The following RGS7 variants were observed in gnomAD, a reference collection of about 807,000 sequenced individuals.
The protein encoded by RGS7 is regulator of G-protein signaling 7.
In RGS7, 27 loss-of-function variants were observed where a neutral mutation model predicts 81.1. That is an observed-to-expected ratio of 0.33 (90% CI 0.25 to 0.46). RGS7 has a LOEUF of 0.46. Ranked by LOEUF, RGS7 falls within the 20% of genes least tolerant of loss-of-function variation. The pLI is 1.00. For synonymous variants in RGS7, 208 were observed against 207.7 expected, an observed-to-expected ratio of 1.00 and a Z score of -0.01; for missense variants, 396 against 607.4, an observed-to-expected ratio of 0.65 and a Z score of 3.66.
Position 241,048,088 on chromosome 1 carries a change from T to C in RGS7, c.175+50578A>G, listed in dbSNP as rs558076874. Among the ~76,000 whole-genome samples the C allele has an allele frequency of 2.0e-5, 3 of 151,430 alleles. No individual in the cohort carries two copies. The East Asian group carries it at 5.9e-4, about 30-fold the overall frequency. ...TCAGTGGTGTAGATGTGTATGTATG[T>C]ATGGCGGGGTCACGGGCATTATTAC... On this transcript the variant is annotated intron_variant, in intron 3 of 18. Transcript: ENST00000440928.
chr1:241,287,264 A>C (rs965019659), intron 2 of RGS7, among the ~76,000 whole-genome samples: 1 of 152,130 alleles, frequency 6.6e-6, no homozygotes, highest in African/African-American at 2.4e-5. Context: ...TCCCCACCCA[A>C]ATCTCATCTT....
chr1:241,233,716 T>C (rs1476945054), intron 2 of RGS7, among the ~76,000 whole-genome samples: 1 of 152,202 alleles, frequency 6.6e-6, no homozygotes, highest in East Asian at 1.9e-4. Context: ...AGGATATCGC[T>C]TCAATATACT....
At chr1:241,113,680 A>C (rs10159247) in intron 2 of RGS7, among the ~76,000 whole-genome samples, 14 of 152,174 alleles carry the variant, frequency 9.2e-5, no homozygotes, top group African/African-American at 3.4e-4. Context: ...CCGTCATTTG[A>C]TGAATGATGT....
intron 3 of RGS7, among the ~76,000 whole-genome samples, chr1:241,088,909 G>A (rs1384114470): frequency 6.6e-6 from 1 of 150,804 alleles, no homozygotes; most frequent in Non-Finnish European, 1.5e-5. Context: ...TACTCGGGAG[G>A]CTGAGGCAGG....
intron 2 of RGS7, among the ~76,000 whole-genome samples, chr1:241,149,446 T>C (rs1474917352): frequency 1.3e-5 from 2 of 152,158 alleles, no homozygotes; most frequent in Non-Finnish European, 2.9e-5. Context: ...CATGAGCCAC[T>C]GCACCCAGCC....
intron 2 of RGS7, among the ~76,000 whole-genome samples, chr1:241,117,739 GA>G (rs1212174035): frequency 6.6e-6 from 1 of 152,106 alleles, no homozygotes; most frequent in East Asian, 1.9e-4. Flanking sequence ...ACAACCCTAG[GA>G]AAAAGTAAAG....
chr1:240,874,281 T>A (rs112163395), intron 6 of RGS7, among the ~76,000 whole-genome samples: 6 of 152,316 alleles, frequency 3.9e-5, no homozygotes, highest in African/African-American at 1.4e-4. Flanking sequence ...TCTCAAGTAA[T>A]GATCAAATAA....
At chr1:240,782,385 T>G (rs1180973862) in intron 18 of RGS7, among the ~76,000 whole-genome samples, 1 of 152,220 alleles carries the variant, frequency 6.6e-6, no homozygotes, top group Non-Finnish European at 1.5e-5. Context: ...TTTCCCAATT[T>G]TTCCAAATTG....
In RGS7 at chr1:241,144,908, G is replaced by A. The variant is rs1040398472; in HGVS notation, c.79-46146C>T. ...AGGAACAACTGATGTGAGTCAGTAT[G>A]TGTTGGCAGGGCAGGATGGTGTGTG... On this transcript the variant is annotated intron_variant, in intron 2 of 18. Coordinates refer to ENST00000440928, the MANE Select transcript of RGS7 (RefSeq NM_001364886.1). The surrounding 1 kb of genome is among the most constrained non-coding windows in gnomAD (Gnocchi z 4.7). 6.3e-5 allele frequency among the ~76,000 whole-genome samples: 9 copies of A among 143,096 alleles called. No individual in the cohort carries two copies. Among genetic ancestry groups the A allele is most frequent in the African/African-American group, 2.1e-4 (7 of 33,496 alleles). The allele number at this position is 143,096 out of a possible 152,430, so 93.9% of individuals were successfully genotyped here.
At chr1:240,944,792 C>T (rs761803962) in intron 4 of RGS7, among the ~76,000 whole-genome samples, 18 of 152,220 alleles carry the variant, frequency 1.2e-4, no homozygotes, top group Admixed American at 5.2e-4. Flanking sequence ...TCGCTCACTG[C>T]AACCTCCGCC....
intron 9 of RGS7, among the ~76,000 whole-genome samples, chr1:240,849,363 C>T (rs1440633986): frequency 6.6e-6 from 1 of 152,160 alleles, no homozygotes; most frequent in African/African-American, 2.4e-5. Context: ...AGCTGCAATT[C>T]AGAACACCTG....
At chr1:241,033,365 G>A (rs935340826) in intron 3 of RGS7, among the ~76,000 whole-genome samples, 1 of 151,974 alleles carries the variant, frequency 6.6e-6, no homozygotes, top group Non-Finnish European at 1.5e-5. Flanking sequence ...AAAGCTGGCT[G>A]GGGGAGCGGG....
At chr1:241,238,307 C>T (rs1558223698) in intron 2 of RGS7, among the ~76,000 whole-genome samples, 2 of 152,116 alleles carry the variant, frequency 1.3e-5, no homozygotes, top group Non-Finnish European at 2.9e-5. Flanking sequence ...GCAACTTCTG[C>T]CTACAGATAC....
chr1:241,172,267 G>C (rs1461781198), intron 2 of RGS7, among the ~76,000 whole-genome samples: 3 of 152,096 alleles, frequency 2.0e-5, no homozygotes, highest in East Asian at 3.9e-4. Flanking sequence ...CTAAAATCCA[G>C]AGTTTTTCTT....
intron 2 of RGS7, among the ~76,000 whole-genome samples, chr1:241,302,377 G>A (rs914959169): frequency 2.6e-5 from 4 of 152,132 alleles, no homozygotes; most frequent in South Asian, 2.1e-4. Flanking sequence ...GTGAAACCCC[G>A]TTTCTACTAA....
At chr1:241,276,584 A>G (rs553067900) in intron 2 of RGS7, among the ~76,000 whole-genome samples, 44 of 152,334 alleles carry the variant, frequency 2.9e-4, no homozygotes, top group African/African-American at 1.1e-3. Flanking sequence ...AACACTATGA[A>G]TCACTGCAAG....
At chr1:240,800,787 ACTGG>A in intron 17 of RGS7, 66 bp from the exon 18 acceptor site, 1 of 877,714 alleles carries the variant, frequency 1.1e-6, no homozygotes, top group Non-Finnish European at 1.8e-6. Flanking sequence ...TTCCAAAGGC[ACTGG>A]CACAATACAA....
rs1690793111 is a variant in RGS7 at position 240,816,335 on chromosome 1, T to G, written c.765A>C (p.Glu255Asp). 1 of 1,610,554 alleles carries G rather than the reference T, an allele frequency of 6.2e-7. No homozygotes were observed. The highest frequency in any genetic ancestry group is 1.3e-5 in the African/African-American group (1 of 74,826). ...GACTCACCTGTTGTTGTAACTCATC[T>G]TCTGTTGGAGGTTTAGTTTCTGGTG... ...TPTPETKPPT[E>D]DELQQQIKYW... The change falls in exon 11 of 19, where the codon GAA (glutamate) becomes GAC (aspartate). Residue 255 changes from glutamate (E) to aspartate (D), a missense_variant. Coordinates refer to ENST00000440928, the MANE Select transcript of RGS7 (RefSeq NM_001364886.1).
intron 2 of RGS7, among the ~76,000 whole-genome samples, chr1:241,255,532 G>A (rs1446886675): frequency 2.6e-5 from 4 of 152,128 alleles, no homozygotes; most frequent in Non-Finnish European, 4.4e-5. Flanking sequence ...GGGAACACAA[G>A]AATGACAACA....
Sources: allele counts gnomAD v4.1 joint callset (sites outside exome capture counted in the v4.1 genomes callset), GRCh38; gene constraint gnomAD v4.1.1; non-coding constraint Gnocchi (gnomAD v3.1); transcripts MANE v1.5; gene names NCBI Gene and HGNC (gene_info 2026-07-23, HGNC 2026-07-21).